The following BRINP3 variants were observed in gnomAD, a reference collection of about 807,000 sequenced individuals.
BRINP3 encodes the protein BMP/retinoic acid inducible neural specific 3, also known as BMP/retinoic acid-inducible neural-specific protein 3.
A neutral mutation model predicts 71.0 loss-of-function variants in BRINP3; 19 were observed. That is an observed-to-expected ratio of 0.27 (90% confidence interval 0.19 to 0.39). The LOEUF is 0.39. Ranked by LOEUF, BRINP3 falls within the 10% of genes least tolerant of loss-of-function variation. The probability of loss-of-function intolerance (pLI) is 1.00; values close to 1 mark genes in which losing one functional copy is unlikely to be tolerated. For synonymous variants in BRINP3, 380 were observed against 337.7 expected (o/e 1.13, Z -1.37); for missense variants, 959 against 940.8 (o/e 1.02, Z -0.25).
chr1:190,388,972 A>G (rs1671081588), intron 2 of BRINP3, among the ~76,000 whole-genome samples: 1 of 151,760 alleles, frequency 6.6e-6, no homozygotes, highest in South Asian at 2.1e-4. Flanking sequence ...AGCTTAATAG[A>G]GTACTAGGCA....
chr1:190,183,066 T>C (rs1653169426), intron 6 of BRINP3, among the ~76,000 whole-genome samples: 1 of 152,106 alleles, frequency 6.6e-6, no homozygotes, highest in Non-Finnish European at 1.5e-5. Flanking sequence ...GTGAGAACTG[T>C]TACCTGTGAC....
intron 3 of BRINP3, among the ~76,000 whole-genome samples, chr1:190,279,520 G>T (rs1317436996): frequency 6.6e-6 from 1 of 151,856 alleles, no homozygotes; most frequent in Non-Finnish European, 1.5e-5. Flanking sequence ...ATTCAACAAG[G>T]ATATGGCTGA....
intron 7 of BRINP3, among the ~76,000 whole-genome samples, chr1:190,107,661 G>C (rs1194333232): frequency 2.0e-5 from 3 of 151,758 alleles, no homozygotes; most frequent in Non-Finnish European, 4.4e-5. Context: ...TTTCCTAATT[G>C]GAGTATGATC....
intron 2 of BRINP3, among the ~76,000 whole-genome samples, chr1:190,368,764 G>T (rs980117737): frequency 2.0e-5 from 3 of 152,102 alleles, no homozygotes; most frequent in African/African-American, 7.2e-5. Flanking sequence ...CCAGAGGAAG[G>T]TCTTCAGGAA....
chr1:190,154,253 A>G (rs1487550578), intron 7 of BRINP3: 2 of 158,350 alleles, frequency 1.3e-5, no homozygotes, highest in Admixed American at 6.6e-5. Context: ...GCATGCGCTC[A>G]GATGAAACTC....
rs997215407 is a variant in BRINP3, at chr1:190,098,090, T to C, written c.2229A>G (p.Gln743=). The change falls in exon 8 of 8, where the codon CAA becomes CAG. Residue 743 remains glutamine, a synonymous_variant. Coordinates refer to ENST00000367462, the MANE Select transcript of BRINP3 (RefSeq NM_199051.3). ...TGGCATTAAACGCCTGCAGAGCAGA[T>C]TGGATCCTCACCACCTCACTAGTAG... ...KLSTSEVVRI[Q]SALQAFNAKL... 13 of 1,614,062 alleles carry C rather than the reference T, an allele frequency of 8.1e-6. No homozygotes were observed. The highest frequency in any genetic ancestry group is 1.0e-5 in the Non-Finnish European group (12 of 1,180,032).
At position 190,151,186 on chromosome 1, in the gene BRINP3, A is replaced by G. The variant is rs559732509; in HGVS notation, c.1184+9482T>C. Among the ~76,000 whole-genome samples, 8 of 152,230 alleles carry G rather than the reference A, an allele frequency of 5.3e-5. No individual in the cohort carries two copies. The East Asian group carries it at 1.2e-3, about 22-fold the overall frequency. On this transcript the variant is annotated intron_variant, in intron 7 of 7. Coordinates refer to ENST00000367462, the MANE Select transcript of BRINP3 (RefSeq NM_199051.3). ...AAGAAAAAATGATGTTCAGATTCCT[A>G]TTTATTTGGCAGTTTAAAAGGCATC...
intron 6 of BRINP3, among the ~76,000 whole-genome samples, chr1:190,192,013 T>C (rs1001680806): frequency 2.6e-5 from 4 of 152,146 alleles, no homozygotes; most frequent in Admixed American, 2.6e-4. Flanking sequence ...AAAAAAAATC[T>C]GTCCTTGCTG....
chr1:190,151,351 A>T (rs144887478), intron 7 of BRINP3, among the ~76,000 whole-genome samples: 1 of 152,302 alleles, frequency 6.6e-6, no homozygotes, highest in East Asian at 1.9e-4. Context: ...AAAACATTGT[A>T]AGATCTGGAG....
chr1:190,283,059 A>T (rs948126468), intron 2 of BRINP3, among the ~76,000 whole-genome samples: 1 of 151,992 alleles, frequency 6.6e-6, no homozygotes, highest in Non-Finnish European at 1.5e-5. Context: ...CTAACTATGG[A>T]TATTTAGTAC....
intron 2 of BRINP3, among the ~76,000 whole-genome samples, chr1:190,382,530 G>C (rs1218000856): frequency 1.3e-5 from 2 of 152,088 alleles, no homozygotes; most frequent in African/African-American, 2.4e-5. Flanking sequence ...TTTATTTAAA[G>C]GTGAGGAAAA....
At chr1:190,114,117 G>A (rs1305540769) in intron 7 of BRINP3, among the ~76,000 whole-genome samples, 1 of 152,146 alleles carries the variant, frequency 6.6e-6, no homozygotes, top group Non-Finnish European at 1.5e-5. Context: ...TCTCATGAAT[G>A]GAGTGAGTTG....
At chr1:190,128,151 T>C (rs1654240021) in intron 7 of BRINP3, among the ~76,000 whole-genome samples, 1 of 151,750 alleles carries the variant, frequency 6.6e-6, no homozygotes, top group African/African-American at 2.4e-5. Flanking sequence ...TTATGTGAAT[T>C]TCATAAGTTA....
intron 6 of BRINP3, among the ~76,000 whole-genome samples, chr1:190,182,048 G>C (rs1653078433): frequency 6.6e-6 from 1 of 151,756 alleles, no homozygotes; most frequent in African/African-American, 2.4e-5. Context: ...CATAGTATTT[G>C]ATCAAAATTA....
intron 2 of BRINP3, among the ~76,000 whole-genome samples, chr1:190,291,369 CA>C (rs940115795): frequency 4.0e-5 from 6 of 151,678 alleles, no homozygotes; most frequent in Admixed American, 2.0e-4. Flanking sequence ...TTCCAAACAA[CA>C]AAGGAAATAA....
intron 2 of BRINP3, among the ~76,000 whole-genome samples, chr1:190,297,703 A>G (rs756601666): frequency 1.3e-5 from 2 of 152,050 alleles, no homozygotes; most frequent in Non-Finnish European, 2.9e-5. Context: ...ATGTTGAACC[A>G]AACTTACAAT....
intron 2 of BRINP3, among the ~76,000 whole-genome samples, chr1:190,305,588 G>A (rs1665038034): frequency 6.6e-6 from 1 of 151,624 alleles, no homozygotes; most frequent in Admixed American, 6.6e-5. Context: ...AAAGCAAGGA[G>A]AAGAGGGGGA....
intron 4 of BRINP3, among the ~76,000 whole-genome samples, chr1:190,254,890 TATG>T (rs1433809797): frequency 6.6e-6 from 1 of 152,220 alleles, no homozygotes; most frequent in Non-Finnish European, 1.5e-5. Flanking sequence ...GCCCATTCAG[TATG>T]ATATTGTCTG....
chr1:190,171,376 G>GA (rs1388062108), intron 6 of BRINP3, among the ~76,000 whole-genome samples: 1 of 152,056 alleles, frequency 6.6e-6, no homozygotes, highest in Admixed American at 6.6e-5. Context: ...TACCTTCAAG[G>GA]AAAAATACCC....
Sources: allele counts gnomAD v4.1 joint callset (sites outside exome capture counted in the v4.1 genomes callset), GRCh38; gene constraint gnomAD v4.1.1; transcripts MANE v1.5; gene names NCBI Gene and HGNC (gene_info 2026-07-23, HGNC 2026-07-21).